IRAG2: variants seen among roughly 807,000 people sequenced by gnomAD.
IRAG2 encodes the protein inositol 1,4,5-triphosphate receptor associated 2.
In IRAG2, 45 loss-of-function variants were observed where a neutral mutation model predicts 69.9. The ratio of observed to expected loss-of-function variants is 0.64; its 90% CI spans 0.51 to 0.83. The LOEUF is 0.83. Among genes scored for constraint, IRAG2 ranks in the 40% least tolerant of loss-of-function variants. IRAG2 has a pLI of 0.00. For synonymous variants in IRAG2, 193 were observed against 202.4 expected, an observed-to-expected ratio of 0.95 and a Z score of 0.40; for missense variants, 520 against 587.0, an observed-to-expected ratio of 0.89 and a Z score of 1.18.
chr12:25,074,774 C>A (rs1214685603), intron 6 of IRAG2, among the ~76,000 whole-genome samples: 1 of 152,104 alleles, frequency 6.6e-6, no homozygotes, highest in African/African-American at 2.4e-5. Flanking sequence ...TTACATATAC[C>A]AAATATTAAG....
intron 16 of IRAG2, among the ~76,000 whole-genome samples, chr12:25,040,334 C>T (rs1944738013): frequency 6.6e-6 from 1 of 152,026 alleles, no homozygotes; most frequent in South Asian, 2.1e-4. Flanking sequence ...ATAGCGAGAC[C>T]CTGTCTCTAA....
At chr12:25,030,260 A>C (rs1944658572) in intron 9 of IRAG2, 1 of 1,231,128 alleles carries the variant, frequency 8.1e-7, no homozygotes, top group African/African-American at 1.6e-5. Context: ...GGCCTTCCCT[A>C]AATTCGTCTC....
chr12:25,030,349 T>C lies in IRAG2; in HGVS notation c.1518+15T>C, dbSNP rs551978193. The C allele has an allele frequency of 1.0e-4, 124 of 1,229,628 alleles. No homozygotes were observed. In the African/African-American group the frequency reaches 1.7e-3, roughly 17 times the overall value. 76.2% of individuals were successfully genotyped at this position (1,229,628 alleles called of 1,614,324 possible). A position where few individuals can be genotyped will look rare whatever the true frequency, so the allele number is the denominator to read the frequency against. ...GTTTGCAGAAGGTTGGTATTGTTCC[T>C]TACCACAAAGTCCCATGGAATTGGC... On this transcript the variant is annotated intron_variant, in intron 10 of 38. Coordinates refer to the IRAG2 transcript ENST00000636465.
chr12:25,033,718 C>T (rs1368667138), intron 12 of IRAG2: 3 of 392,268 alleles, frequency 7.6e-6, no homozygotes, highest in East Asian at 3.6e-5. Context: ...CTCCCTATTC[C>T]CAAGCACATT....
In IRAG2 at chr12:25,052,912, C is replaced by T. The variant is rs1176895869; in HGVS notation, c.-491C>T. On this transcript the variant is annotated 5_prime_UTR_variant, in exon 1 of 22. Transcript: ENST00000556887. ...CTTCAAACTATAAATACTGAATTAT[C>T]GAACACTTGCCAGGCACTTCAGCAG... 1.5e-5 allele frequency: 6 copies of T among 398,432 alleles called. No homozygotes were observed. Among genetic ancestry groups the T allele is most frequent in the South Asian group, 1.3e-4 (1 of 7,856 alleles). 24.7% of individuals were successfully genotyped at this position (398,432 alleles called of 1,614,324 possible).
intron 10 of IRAG2, among the ~76,000 whole-genome samples, chr12:25,087,180 T>TTTTTTTTTTTTTTTTTTTTTTGTTG (rs1450270058): frequency 8.0e-6 from 1 of 125,170 alleles, no homozygotes; most frequent in African/African-American, 3.1e-5. Context: ...TTTTTTTTTT[T>TTTTTTTTTTTTTTTTTTTTTTGTTG]TTGTTGAGAC....
chr12:25,032,662 G>C (rs976470442), intron 12 of IRAG2, among the ~76,000 whole-genome samples: 2 of 152,190 alleles, frequency 1.3e-5, no homozygotes, highest in African/African-American at 4.8e-5. Flanking sequence ...GCAGGGTTGA[G>C]TTCTAGTGAG....
At chr12:25,006,118 A>G (rs1322399012) in intron 2 of IRAG2, 2 of 152,178 alleles carry the variant, frequency 1.3e-5, no homozygotes, top group East Asian at 1.9e-4. Context: ...CAACAAATAT[A>G]TGAAAAAATA....
chr12:25,029,692 G>A (rs1287683874), intron 9 of IRAG2, among the ~76,000 whole-genome samples: 1 of 150,666 alleles, frequency 6.6e-6, no homozygotes, highest in Admixed American at 6.6e-5. Context: ...TTAAATTTTA[G>A]TTTTAGAGAT....
At chr12:25,025,804 TAAG>T (rs1944617097) in intron 8 of IRAG2, among the ~76,000 whole-genome samples, 2 of 152,170 alleles carry the variant, frequency 1.3e-5, no homozygotes, top group East Asian at 3.9e-4. Flanking sequence ...TGTTTTCAGG[TAAG>T]AAGGAAATTT....
At chr12:25,053,498 C>A (rs571290561) in intron 1 of IRAG2, among the ~76,000 whole-genome samples, 1 of 151,858 alleles carries the variant, frequency 6.6e-6, no homozygotes, top group East Asian at 1.9e-4. Context: ...ACATATTTTG[C>A]ATTTTAAAAA....
At chr12:25,069,240 G>T in intron 5 of IRAG2, 110 bp from the exon 6 acceptor site, 2 of 514,504 alleles carry the variant, frequency 3.9e-6, no homozygotes, top group South Asian at 6.8e-5. Flanking sequence ...TTAGAAATTT[G>T]ATAAAATTAG....
chr12:25,103,759 C>A, intron 17 of IRAG2, 78 bp from the exon 18 acceptor site: 1 of 1,046,224 alleles, frequency 9.6e-7, no homozygotes, highest in Non-Finnish European at 1.5e-6. Flanking sequence ...TATGCATGTA[C>A]AAGGATATTT....
rs780510333 is a variant in IRAG2, at chr12:25,087,153, CTTTTTT to C, written c.316-923_316-918del. ...TGGTGTCATGGTGCCACTCTCCTTCCTTTTTTTTTTTTTTTTTTTTTTTTTTTTTGT... is the reference window on the plus strand; with the variant it reads ...TGGTGTCATGGTGCCACTCTCCTTCCTTTTTTTTTTTTTTTTTTTTTTTGT... On this transcript the variant is annotated intron_variant, in intron 10 of 21. Coordinates refer to ENST00000556887, the MANE Select transcript of IRAG2 (RefSeq NM_001366544.2). 9.1e-5 allele frequency among the ~76,000 whole-genome samples: 7 copies of C among 76,678 alleles called. No individual in the cohort carries two copies. In the East Asian group the frequency reaches 1.9e-3, roughly 21 times the overall value. 50.3% of individuals were successfully genotyped at this position (76,678 alleles called of 152,430 possible). A position where few individuals can be genotyped will look rare whatever the true frequency, so the allele number is the denominator to read the frequency against.
intron 5 of IRAG2, among the ~76,000 whole-genome samples, chr12:25,068,806 T>A (rs1028081304): frequency 6.6e-6 from 1 of 152,204 alleles, no homozygotes; most frequent in African/African-American, 2.4e-5. Context: ...CACCTCTGTC[T>A]ACAAGGATTT....
chr12:25,108,329 A>G lies in IRAG2; in HGVS notation c.*269A>G, dbSNP rs1016061413. ...TTTATTGAAATAAAGAATCATTTAA[A>G]TCTTCATAGAGTGAAAGCTGAAATT... On this transcript the variant is annotated 3_prime_UTR_variant, in exon 22 of 22. Transcript: ENST00000556887. 3.7e-6 allele frequency: 2 copies of G among 544,040 alleles called. No homozygotes were observed. The highest frequency in any genetic ancestry group is 3.8e-5 in the African/African-American group (2 of 52,594). The allele number at this position is 544,040 out of a possible 1,614,324, so 33.7% of individuals were successfully genotyped here.
intron 6 of IRAG2, chr12:25,076,462 T>G (rs879901611): frequency 1.0e-6 from 1 of 983,250 alleles, no homozygotes; most frequent in Non-Finnish European, 1.2e-6. Flanking sequence ...GGAGGCAAAC[T>G]GTATTTTTAC....
chr12:25,029,933 CA>C (rs1944656020), intron 9 of IRAG2, among the ~76,000 whole-genome samples: 1 of 151,980 alleles, frequency 6.6e-6, no homozygotes, highest in African/African-American at 2.4e-5. Context: ...TTATTTTCAC[CA>C]AAAAAGTGAA....
upstream of IRAG2, among the ~76,000 whole-genome samples, chr12:25,002,584 T>C (rs1944399067): frequency 6.6e-6 from 1 of 152,144 alleles, no homozygotes; most frequent in Admixed American, 6.5e-5. Flanking sequence ...GATTCTAGAA[T>C]TTCAAGAGAG....
Sources: allele counts gnomAD v4.1 joint callset (sites outside exome capture counted in the v4.1 genomes callset), GRCh38; gene constraint gnomAD v4.1.1; transcripts MANE v1.5; gene names NCBI Gene and HGNC (gene_info 2026-07-23, HGNC 2026-07-21).